Variants in ARHGEF4 observed in about 807,000 individuals in gnomAD.
The protein encoded by ARHGEF4 is APC-stimulated guanine nucleotide exchange factor 1.
In ARHGEF4, 119 loss-of-function variants were observed where a neutral mutation model predicts 162.0. The observed-to-expected ratio is 0.73, with a 90% CI of 0.63 to 0.86. The LOEUF (loss-of-function observed/expected upper bound fraction) is 0.86. ARHGEF4 is among the 40% of genes least tolerant of loss of function. The pLI is 0.00. For missense variants in ARHGEF4, 2,488 were observed against 2,456.0 expected (o/e 1.01, Z -0.28); for synonymous variants, 1,014 against 979.9 (o/e 1.03, Z -0.65).
chr2:130,955,311 A>G (rs1380493704), intron 4 of ARHGEF4, among the ~76,000 whole-genome samples: 1 of 151,824 alleles, frequency 6.6e-6, no homozygotes, highest in African/African-American at 2.4e-5. Context: ...TTTTTTCCCC[A>G]TTGTATGGGT....
intron 1 of ARHGEF4, among the ~76,000 whole-genome samples, chr2:130,886,888 A>C (rs1679559680): frequency 1.3e-5 from 2 of 151,736 alleles, no homozygotes; most frequent in Non-Finnish European, 2.9e-5. Context: ...GCATTTGTTG[A>C]AAAGACTGTC....
Position 130,916,666 on chromosome 2 carries a change from C to A in ARHGEF4, c.2720C>A (p.Ala907Glu), listed in dbSNP as rs1016757550. ...RLKTTEKKLR[A>E]RLALAHKTFS... ...AAAACAACGGAGAAAAAACTCAGGG[C>A]AAGGTTGGCCTTGGCTCATAAGACC... Residue 907 changes from alanine (A) to glutamate (E), a missense_variant, in exon 2 of 14, where the codon GCA becomes GAA. Physicochemically the swap from Ala to Glu is moderately radical, Grantham distance 107 (BLOSUM62 -1). This residue lies in a region of ARHGEF4 where 1,642 missense variants were observed against 1,481.5 expected (regional missense o/e 1.11). Transcript: ENST00000409359. 1 of 1,550,488 alleles carries A rather than the reference C, an allele frequency of 6.4e-7. No individual in the cohort carries two copies. The highest frequency in any genetic ancestry group is 1.4e-5 in the African/African-American group (1 of 73,054).
chr2:130,925,246 C>T (rs1295848135), intron 2 of ARHGEF4, among the ~76,000 whole-genome samples: 1 of 152,018 alleles, frequency 6.6e-6, no homozygotes, highest in Non-Finnish European at 1.5e-5. Context: ...ATGCTTATTA[C>T]ATAAAGTAAT....
At chr2:130,969,789 C>CT (rs1391321739) in intron 4 of ARHGEF4, among the ~76,000 whole-genome samples, 3 of 152,066 alleles carry the variant, frequency 2.0e-5, no homozygotes, top group Non-Finnish European at 4.4e-5. Context: ...GAGTGAGGCC[C>CT]TTTGTGGTCC....
At chr2:130,992,108 C>T (rs1004269099) in intron 4 of ARHGEF4, among the ~76,000 whole-genome samples, 1 of 152,166 alleles carries the variant, frequency 6.6e-6, no homozygotes, top group Non-Finnish European at 1.5e-5. Context: ...TGTCCATACT[C>T]TGCATCTAAC....
At chr2:130,848,581 G>C (rs1055635945) in intron 1 of ARHGEF4, among the ~76,000 whole-genome samples, 1 of 152,190 alleles carries the variant, frequency 6.6e-6, no homozygotes, top group African/African-American at 2.4e-5. Flanking sequence ...ACCAGTGGAC[G>C]GCAGGGAGGC....
At chr2:130,950,005 C>T (rs1439323597) in intron 4 of ARHGEF4, among the ~76,000 whole-genome samples, 1 of 152,212 alleles carries the variant, frequency 6.6e-6, no homozygotes, top group African/African-American at 2.4e-5. Flanking sequence ...TCTGTGAGGA[C>T]AGCAGTCTTC....
At position 130,915,344 on chromosome 2, in the gene ARHGEF4, A is replaced by T; in HGVS notation, c.1398A>T (p.Pro466=). ...CTGAGTGCAAGTCAGAGCAAAGCCC[A>T]GAAAGCAGAACCCAGGAACCCCAAG... ...EPAECKSEQS[P]ESRTQEPQGT... is the part of the protein sequence containing the mutation. Residue 466 remains proline (P), a synonymous_variant, in exon 2 of 14, where the codon CCA becomes CCT. Transcript: ENST00000409359. The T allele has an allele frequency of 6.4e-7, 1 of 1,550,736 alleles. No individual in the cohort carries two copies. Among genetic ancestry groups the T allele is most frequent in the South Asian group, 1.2e-5 (1 of 84,058 alleles).
chr2:130,914,477 T>TC lies in ARHGEF4; in HGVS notation c.535dup (p.Arg179ProfsTer17). On this transcript the variant is annotated frameshift_variant, in exon 2 of 14. Coordinates refer to ENST00000409359, the MANE Select transcript of ARHGEF4 (RefSeq NM_001367493.1). LOFTEE classifies it high-confidence loss of function. ...AGCGAGAGTCTTTGCTGGCAGGGGT[T>TC]CCCCGACACACAGGGTGCTGCTTAC... 7.0e-7 allele frequency: 1 copy of TC among 1,432,904 alleles called. No homozygotes were observed. The highest frequency in any genetic ancestry group is 9.1e-7 in the Non-Finnish European group (1 of 1,099,442). 88.8% of individuals were successfully genotyped at this position (1,432,904 alleles called of 1,614,324 possible).
intron 1 of ARHGEF4, among the ~76,000 whole-genome samples, chr2:130,875,343 A>G (rs1330169168): frequency 6.6e-6 from 1 of 152,190 alleles, no homozygotes; most frequent in African/African-American, 2.4e-5. Flanking sequence ...TGTCTGAGTC[A>G]GTTTTCTGTT....
intron 1 of ARHGEF4, among the ~76,000 whole-genome samples, chr2:130,905,967 A>G (rs1680787997): frequency 6.6e-6 from 1 of 152,184 alleles, no homozygotes; most frequent in Non-Finnish European, 1.5e-5. Context: ...GTATGGGTTT[A>G]TGGACAATTA....
chr2:130,915,368 A>G lies in ARHGEF4; in HGVS notation c.1422A>G (p.Gln474=). ...CAGAAAGCAGAACCCAGGAACCCCA[A>G]GGCACCCAACTCGCACCAAGAGCTG... The part of the protein sequence containing the change: ...QSPESRTQEP[Q]GTQLAPRAAD... Residue 474 remains glutamine (Q), a synonymous_variant, in exon 2 of 14, where the codon CAA becomes CAG. Coordinates refer to ENST00000409359, the MANE Select transcript of ARHGEF4 (RefSeq NM_001367493.1). 6.4e-7 allele frequency: 1 copy of G among 1,550,670 alleles called. No individual in the cohort carries two copies.
intron 1 of ARHGEF4, among the ~76,000 whole-genome samples, chr2:130,903,590 C>G (rs550878803): frequency 6.6e-6 from 1 of 152,304 alleles, no homozygotes; most frequent in Admixed American, 6.5e-5. Context: ...TGTACATGTA[C>G]AGGTTGGTTA....
At position 131,040,410 on chromosome 2, in the gene ARHGEF4, G is replaced by C. The variant is rs763885087; in HGVS notation, c.4632G>C (p.Leu1544=). 1.9e-5 allele frequency: 31 copies of C among 1,602,844 alleles called. No homozygotes were observed. The highest frequency in any genetic ancestry group is 2.6e-5 in the Non-Finnish European group (30 of 1,175,234). ...GGTTCAACCGCGAGCGCCCACACCT[G>C]AGCGAGCTGGGTGCCTGCTTCCTGG... The part of the protein sequence containing the change: ...EQRFNRERPH[L]SELGACFLEH... The change falls in exon 8 of 14, where the codon CTG becomes CTC. Residue 1544 remains leucine, a synonymous_variant. Coordinates refer to ENST00000409359, the MANE Select transcript of ARHGEF4 (RefSeq NM_001367493.1).
At chr2:130,974,466 G>A (rs1203956014) in intron 4 of ARHGEF4, among the ~76,000 whole-genome samples, 2 of 151,616 alleles carry the variant, frequency 1.3e-5, no homozygotes. Flanking sequence ...TATTTTTTGA[G>A]ACAGTGTCTG....
chr2:131,035,930 TCA>T (rs1328958798), intron 5 of ARHGEF4: 1 of 922,620 alleles, frequency 1.1e-6, no homozygotes, highest in Admixed American at 6.2e-5. Flanking sequence ...TGTCAGAACC[TCA>T]GAGGCACAGG....
At chr2:130,902,565 G>A (rs897492881) in intron 1 of ARHGEF4, among the ~76,000 whole-genome samples, 3 of 151,544 alleles carry the variant, frequency 2.0e-5, no homozygotes, top group Non-Finnish European at 2.9e-5. Context: ...CTGCACTCCA[G>A]CCTGAGCGAC....
chr2:130,903,226 G>GT (rs1201578591), intron 1 of ARHGEF4, among the ~76,000 whole-genome samples: 7 of 134,390 alleles, frequency 5.2e-5, no homozygotes, highest in Admixed American at 3.7e-4. Flanking sequence ...GTTTTGTTTT[G>GT]TTTTTTCCTG....
At chr2:130,971,868 GTGAA>G (rs1338731831) in intron 4 of ARHGEF4, among the ~76,000 whole-genome samples, 1 of 152,142 alleles carries the variant, frequency 6.6e-6, no homozygotes, top group South Asian at 2.1e-4. Context: ...ATACATTTTG[GTGAA>G]TTCTTCTCTT....
Sources: allele counts gnomAD v4.1 joint callset (sites outside exome capture counted in the v4.1 genomes callset), GRCh38; gene constraint gnomAD v4.1.1; regional missense constraint gnomAD v4.1.1; transcripts MANE v1.5; gene names NCBI Gene and HGNC (gene_info 2026-07-23, HGNC 2026-07-21).